SMG6: variants seen among roughly 807,000 people sequenced by gnomAD.
SMG6 encodes the protein telomerase-binding protein EST1A.
Under a neutral mutation model 142.2 loss-of-function variants are expected in SMG6, and 66 were observed. The ratio of observed to expected loss-of-function variants is 0.46; its 90% CI spans 0.38 to 0.57. The LOEUF (loss-of-function observed/expected upper bound fraction) is 0.57. Among genes scored for constraint, SMG6 ranks in the 20% least tolerant of loss-of-function variants. The pLI is 0.00. For missense variants in SMG6, 1,793 were observed against 1,832.0 expected (o/e 0.98, Z 0.39); for synonymous variants, 779 against 702.4 (o/e 1.11, Z -1.72).
intron 12 of SMG6, among the ~76,000 whole-genome samples, chr17:2,178,461 G>C (rs1228603789): frequency 6.6e-6 from 1 of 152,274 alleles, no homozygotes; most frequent in South Asian, 2.1e-4. Context: ...GGGACTTTGG[G>C]AGAGTACTCA....
chr17:2,147,679 A>G (rs1408766849), intron 13 of SMG6, among the ~76,000 whole-genome samples: 2 of 152,202 alleles, frequency 1.3e-5, no homozygotes, highest in African/African-American at 4.8e-5. Context: ...CACAACAAAT[A>G]AGCACACAAA....
At chr17:2,236,425 A>G (rs2073654714) in intron 10 of SMG6, 67 bp downstream of exon 10, 1 of 1,527,710 alleles carries the variant, frequency 6.5e-7, no homozygotes. Context: ...GTATGGTAAC[A>G]CAAGAAAGAA....
intron 15 of SMG6, among the ~76,000 whole-genome samples, chr17:2,070,237 T>C (rs1481537218): frequency 1.3e-5 from 2 of 152,228 alleles, no homozygotes; most frequent in Non-Finnish European, 2.9e-5. Flanking sequence ...GCTCTGGGTA[T>C]GTCTGCCACT....
chr17:2,120,602 A>G (rs1315351159), intron 13 of SMG6, among the ~76,000 whole-genome samples: 1 of 152,210 alleles, frequency 6.6e-6, no homozygotes, highest in African/African-American at 2.4e-5. Flanking sequence ...ACACACCTGT[A>G]GTCTCAGCTA....
chr17:2,142,061 C>T (rs1424360353), intron 13 of SMG6, among the ~76,000 whole-genome samples: 1 of 151,878 alleles, frequency 6.6e-6, no homozygotes, highest in African/African-American at 2.4e-5. Context: ...GGCGGGAGGA[C>T]AGGATCTCAC....
intron 13 of SMG6, among the ~76,000 whole-genome samples, chr17:2,110,616 A>C (rs557086477): frequency 7.8e-4 from 119 of 152,310 alleles, no homozygotes; most frequent in Middle Eastern, 3.4e-3. Flanking sequence ...CAGCAAAGGA[A>C]AGCAGACGGA....
chr17:2,190,803 C>G (rs1024882745), intron 10 of SMG6, among the ~76,000 whole-genome samples: 1 of 152,186 alleles, frequency 6.6e-6, no homozygotes, highest in Admixed American at 6.5e-5. Flanking sequence ...ATCCCCTAAC[C>G]CCCTCCTGAA....
chr17:2,217,902 C>T (rs563751191), intron 10 of SMG6, among the ~76,000 whole-genome samples: 4 of 151,442 alleles, frequency 2.6e-5, no homozygotes, highest in East Asian at 2.0e-4. Context: ...CCCAGCTACT[C>T]GGGAGGGCGA....
At chr17:2,079,277 T>C (rs907553469) in intron 15 of SMG6, among the ~76,000 whole-genome samples, 1 of 152,212 alleles carries the variant, frequency 6.6e-6, no homozygotes, top group African/African-American at 2.4e-5. Context: ...TTGGTGACTT[T>C]TGACGCAACA....
intron 13 of SMG6, among the ~76,000 whole-genome samples, chr17:2,094,092 G>A (rs1277771896): frequency 6.6e-6 from 1 of 152,096 alleles, no homozygotes; most frequent in African/African-American, 2.4e-5. Context: ...CAAGGTCCCG[G>A]GCTTCGGAAC....
intron 10 of SMG6, among the ~76,000 whole-genome samples, chr17:2,217,897 C>T (rs2073061557): frequency 6.6e-6 from 1 of 151,902 alleles, no homozygotes; most frequent in African/African-American, 2.4e-5. Flanking sequence ...GTAGTCCCAG[C>T]TACTCGGGAG....
At chr17:2,080,156 T>C (rs1597351737) in intron 15 of SMG6, among the ~76,000 whole-genome samples, 1 of 149,860 alleles carries the variant, frequency 6.7e-6, no homozygotes, top group South Asian at 2.1e-4. Flanking sequence ...TGACGGCTCA[T>C]GCCTGTAATC....
chr17:2,131,544 C>A (rs1388277115), intron 13 of SMG6, among the ~76,000 whole-genome samples: 1 of 152,158 alleles, frequency 6.6e-6, no homozygotes, highest in Non-Finnish European at 1.5e-5. Context: ...GTGATCTGCT[C>A]ACCTCGGTCT....
intron 9 of SMG6, among the ~76,000 whole-genome samples, chr17:2,242,364 A>G (rs2073825292): frequency 7.2e-6 from 1 of 138,430 alleles, no homozygotes; most frequent in African/African-American, 2.7e-5. Flanking sequence ...TACAAAAAAA[A>G]AAAAAAAAAA....
chr17:2,302,496 G>A (rs1157040435), intron 1 of SMG6, among the ~76,000 whole-genome samples: 3 of 150,360 alleles, frequency 2.0e-5, no homozygotes, highest in Non-Finnish European at 4.4e-5. Flanking sequence ...AGCAGAGATC[G>A]CGCCACTGCA....
intron 10 of SMG6, among the ~76,000 whole-genome samples, chr17:2,198,967 A>G (rs972875728): frequency 1.3e-4 from 20 of 150,734 alleles, no homozygotes; most frequent in Non-Finnish European, 2.8e-4. Context: ...AAAAAAAAAA[A>G]AAAAAAAGAA....
intron 15 of SMG6, 23 bp downstream of exon 15, chr17:2,081,787 C>G: frequency 6.2e-7 from 1 of 1,611,230 alleles, no homozygotes; most frequent in Non-Finnish European, 8.5e-7. Flanking sequence ...TAGTGGGAAC[C>G]ACGCTCCCCA....
At chr17:2,265,692 G>A (rs930613218) in intron 8 of SMG6, among the ~76,000 whole-genome samples, 2 of 152,110 alleles carry the variant, frequency 1.3e-5, no homozygotes, top group South Asian at 2.1e-4. Flanking sequence ...TCTCTGTCTC[G>A]TGTTGCTCTT....
chr17:2,257,909 T>G (rs1286564520), intron 8 of SMG6, among the ~76,000 whole-genome samples: 4 of 149,940 alleles, frequency 2.7e-5, no homozygotes, highest in Non-Finnish European at 5.9e-5. Context: ...CTCAGGAGGC[T>G]GAGGCAGGAG....
Sources: gnomAD v4.1 joint callset for allele counts (sites outside exome capture counted in the v4.1 genomes callset) on GRCh38, gnomAD v4.1.1 for gene constraint, MANE v1.5 for transcripts, NCBI Gene and HGNC (gene_info 2026-07-23, HGNC 2026-07-21) for gene names.